Variants in TJP1 observed in about 807,000 individuals in gnomAD.
TJP1 encodes tight junction protein 1, also known as tight junction protein ZO-1.
A neutral mutation model predicts 194.2 loss-of-function variants in TJP1; 43 were observed. The observed-to-expected ratio is 0.22, with a 90% confidence interval of 0.17 to 0.29. The LOEUF is 0.29. Among genes scored for constraint, TJP1 ranks in the 10% least tolerant of loss-of-function variants. The pLI is 1.00. For synonymous variants in TJP1, 801 were observed against 779.0 expected (o/e 1.03, Z -0.47); for missense variants, 1,971 against 2,185.7 (o/e 0.90, Z 1.96).
intron 2 of TJP1, among the ~76,000 whole-genome samples, chr15:29,953,165 G>A (rs555406592): frequency 5.5e-4 from 16 of 29,004 alleles, no homozygotes; most frequent in Non-Finnish European, 1.2e-3. Context: ...TTTTTGCAAC[G>A]GAGTCTCGCT....
At chr15:29,871,553 C>G (rs1032118357) in intron 2 of TJP1, among the ~76,000 whole-genome samples, 4 of 152,216 alleles carry the variant, frequency 2.6e-5, no homozygotes, top group Non-Finnish European at 4.4e-5. Flanking sequence ...GTGGGAGAGG[C>G]GCAACCGCCT....
chr15:29,807,016 A>G (rs956937748), intron 1 of TJP1, among the ~76,000 whole-genome samples: 1 of 152,204 alleles, frequency 6.6e-6, no homozygotes, highest in Admixed American at 6.5e-5. Flanking sequence ...TCAAAATAAG[A>G]AGGCAGCAAC....
chr15:29,885,392 G>A (rs1045748843), intron 2 of TJP1, among the ~76,000 whole-genome samples: 1 of 152,310 alleles, frequency 6.6e-6, no homozygotes, highest in Middle Eastern at 3.4e-3. Flanking sequence ...GAGAGGAAAG[G>A]GAATCCAGAG....
intron 2 of TJP1, among the ~76,000 whole-genome samples, chr15:29,797,066 G>C (rs2048460838): frequency 6.6e-6 from 1 of 152,118 alleles, no homozygotes; most frequent in African/African-American, 2.4e-5. Flanking sequence ...CTTGATTTTG[G>C]GTTTGGCAAA....
rs559874659 is a variant in TJP1 at position 29,939,290 on chromosome 15, T to C, written c.306+16942A>G. Among the ~76,000 whole-genome samples, 5 of 152,306 alleles carry C rather than the reference T, an allele frequency of 3.3e-5. No homozygotes were observed. The South Asian group carries it at 6.2e-4, about 19-fold the overall frequency. On this transcript the variant is annotated intron_variant, in intron 2 of 28. Transcript: ENST00000356107. ...TCTTTTAGTCATTATTCCTAAATAA[T>C]AGTGCCCTGTCAGTACTGGGGGCAA...
At chr15:29,826,161 A>G (rs1277846795), upstream of TJP1, among the ~76,000 whole-genome samples, 2 of 132,640 alleles carry the variant, frequency 1.5e-5, no homozygotes, top group Admixed American at 1.5e-4. Flanking sequence ...TTTAAAAAGA[A>G]GACATAAACA....
chr15:29,800,376 G>A (rs934903505), intron 2 of TJP1: 1 of 472,638 alleles, frequency 2.1e-6, no homozygotes, highest in African/African-American at 2.0e-5. Context: ...AATGTACAGA[G>A]TCTTTTATCT....
At chr15:29,968,547 G>T (rs1275209695) in intron 1 of TJP1, 5 of 799,648 alleles carry the variant, frequency 6.3e-6, no homozygotes, top group East Asian at 1.3e-4. Flanking sequence ...CGTCGGGCCC[G>T]ACAGTCGCGG....
At chr15:29,848,042 G>A (rs2051485844) in intron 2 of TJP1, among the ~76,000 whole-genome samples, 1 of 151,398 alleles carries the variant, frequency 6.6e-6, no homozygotes, top group Admixed American at 6.6e-5. Context: ...CTGTTTCCTA[G>A]TTTGATTTCA....
intron 8 of TJP1, among the ~76,000 whole-genome samples, chr15:29,748,953 T>TGCGC (rs935676407): frequency 1.1e-3 from 34 of 32,320 alleles, no homozygotes; most frequent in African/African-American, 2.3e-3. Flanking sequence ...TGTGTGTGTG[T>TGCGC]GCGCGTGTGT....
chr15:29,849,152 G>C (rs1184171431), intron 2 of TJP1, among the ~76,000 whole-genome samples: 1 of 151,940 alleles, frequency 6.6e-6, no homozygotes, highest in Non-Finnish European at 1.5e-5. Context: ...TAACTAGTAG[G>C]CTTGACCCTT....
At chr15:29,722,533 G>A (rs1044370369) in intron 18 of TJP1, among the ~76,000 whole-genome samples, 6 of 152,204 alleles carry the variant, frequency 3.9e-5, no homozygotes, top group African/African-American at 1.4e-4. Flanking sequence ...ATGCCTGGAT[G>A]TCCAGGCAGA....
intron 2 of TJP1, among the ~76,000 whole-genome samples, chr15:29,882,304 G>A (rs2052964986): frequency 6.6e-6 from 1 of 152,174 alleles, no homozygotes; most frequent in Non-Finnish European, 1.5e-5. Context: ...GGACATGTCA[G>A]TAGGCTCAAA....
chr15:29,814,488 ATCT>A (rs1196406969), intron 1 of TJP1, among the ~76,000 whole-genome samples: 1 of 152,214 alleles, frequency 6.6e-6, no homozygotes, highest in Admixed American at 6.5e-5. Flanking sequence ...AAGTGAGCTA[ATCT>A]TATATTAAGT....
chr15:29,968,800 T>TCCG (rs1296788574), exon 1 of TJP1: 7 of 1,192,854 alleles, frequency 5.9e-6, no homozygotes, highest in Admixed American at 5.3e-5. Flanking sequence ...CCCCGCCGCC[T>TCCG]CCGCCGCCGC....
At chr15:29,882,774 G>C (rs1371954282) in intron 2 of TJP1, among the ~76,000 whole-genome samples, 1 of 152,154 alleles carries the variant, frequency 6.6e-6, no homozygotes, top group Admixed American at 6.5e-5. Flanking sequence ...TTAAAAACCT[G>C]CTGGATCAAT....
chr15:29,703,163 TA>T (rs1182709537), intron 27 of TJP1, among the ~76,000 whole-genome samples: 1 of 152,118 alleles, frequency 6.6e-6, no homozygotes, highest in Non-Finnish European at 1.5e-5. Flanking sequence ...ATTAAGAAAT[TA>T]AACAGGCCAG....
In TJP1 at chr15:29,708,671, A is replaced by C; in HGVS notation, c.4738T>G (p.Leu1580Val). 1 of 1,614,232 alleles carries C rather than the reference A, an allele frequency of 6.2e-7. No individual in the cohort carries two copies. Among genetic ancestry groups the C allele is most frequent in the Non-Finnish European group, 8.5e-7 (1 of 1,180,042 alleles). ...CTGTCAAACTCAGGAGGCTGTGCCA[A>C]ACTGTGCGATTTCACAAGAGTTTTT... ...SPKTLVKSHS[L>V]AQPPEFDSGV... The change falls in exon 25 of 28, where the codon TTG becomes GTG. Residue 1580 changes from leucine to valine, a missense_variant. Transcript: ENST00000614355.
chr15:29,780,527 A>T (rs1365808952), intron 2 of TJP1, among the ~76,000 whole-genome samples: 1 of 152,194 alleles, frequency 6.6e-6, no homozygotes, highest in Non-Finnish European at 1.5e-5. Flanking sequence ...TGTGTGGCTC[A>T]GTTCCTAACA....
Sources: gnomAD v4.1 joint callset for allele counts (sites outside exome capture counted in the v4.1 genomes callset) on GRCh38, gnomAD v4.1.1 for gene constraint, MANE v1.5 for transcripts, NCBI Gene and HGNC (gene_info 2026-07-23, HGNC 2026-07-21) for gene names.